Variants in MTR observed in about 807,000 individuals in gnomAD.
The protein encoded by MTR is 5-methyltetrahydrofolate-homocysteine methyltransferase, also known as methionine synthase.
MTR carries 84 observed loss-of-function variants against 154.8 expected under a neutral mutation model. The ratio of observed to expected loss-of-function variants is 0.54; its 90% CI spans 0.45 to 0.65. The LOEUF (loss-of-function observed/expected upper bound fraction) is 0.65. MTR is among the 30% of genes least tolerant of loss of function. The probability of loss-of-function intolerance (pLI) is 0.00; values close to 1 mark genes in which losing one functional copy is unlikely to be tolerated. For synonymous variants in MTR, 554 were observed against 553.9 expected (o/e 1.00, Z 0.00); for missense variants, 1,275 against 1,570.2 (o/e 0.81, Z 3.18).
intron 23 of MTR, 101 bp downstream of exon 23, chr1:236,873,941 G>T: frequency 8.9e-7 from 1 of 1,127,192 alleles, no homozygotes; most frequent in Non-Finnish European, 1.3e-6. Context: ...GCCCCATGAG[G>T]GTTCTGTGGG....
intron 9 of MTR, among the ~76,000 whole-genome samples, chr1:236,824,737 C>T (rs1250988553): frequency 6.6e-6 from 1 of 152,198 alleles, no homozygotes; most frequent in Non-Finnish European, 1.5e-5. Context: ...TGTATTTGAG[C>T]ACTGCTTAGC....
intron 29 of MTR, 67 bp from the exon 30 acceptor site, chr1:236,894,290 A>C: frequency 2.0e-6 from 3 of 1,482,918 alleles, no homozygotes; most frequent in South Asian, 2.3e-5. Context: ...ATTGCTCTTC[A>C]TGGTGTGCTG....
intron 1 of MTR, among the ~76,000 whole-genome samples, 188 bp downstream of exon 1, chr1:236,795,925 G>T (rs904413359): frequency 6.6e-6 from 1 of 152,208 alleles, no homozygotes; most frequent in Admixed American, 6.5e-5. Flanking sequence ...CTCTTTGTCC[G>T]ACCTTCACCT....
rs775984505 is a variant in MTR at position 236,859,871 on chromosome 1, T to A, written c.1992T>A (p.Asp664Glu). ...GAGGGAAGAAAGTCATTCAGACTGA[T>A]GAGTGGAGAAATGGCCCTGTCGAAG... ...GTGGKKVIQT[D>E]EWRNGPVEER... The change falls in exon 19 of 33, where the codon GAT becomes GAA. Residue 664 changes from aspartate to glutamate, a missense_variant. Asp to Glu is a conservative substitution (Grantham distance 45). Coordinates refer to ENST00000366577, the MANE Select transcript of MTR (RefSeq NM_000254.3). The A allele has an allele frequency of 7.4e-6, 12 of 1,613,902 alleles. No homozygotes were observed. In the East Asian group the frequency reaches 2.5e-4, roughly 33 times the overall value.
At chr1:236,871,858 A>G (rs1369309920) in intron 22 of MTR, among the ~76,000 whole-genome samples, 1 of 152,124 alleles carries the variant, frequency 6.6e-6, no homozygotes, top group Non-Finnish European at 1.5e-5. Context: ...TTTTTTTAAA[A>G]AAGTAATATG....
intron 8 of MTR, among the ~76,000 whole-genome samples, chr1:236,818,147 C>T (rs1291449627): frequency 6.6e-6 from 1 of 152,174 alleles, no homozygotes; most frequent in East Asian, 1.9e-4. Flanking sequence ...GTAAATGACA[C>T]TGTAATGGAT....
intron 10 of MTR, among the ~76,000 whole-genome samples, 166 bp from the exon 11 acceptor site, chr1:236,826,663 G>C (rs1178866290): frequency 6.6e-6 from 1 of 152,194 alleles, no homozygotes; most frequent in Non-Finnish European, 1.5e-5. Flanking sequence ...TTTATCCTAT[G>C]TCTAGGGCAT....
At chr1:236,843,247 A>T (rs1021742086) in intron 15 of MTR, among the ~76,000 whole-genome samples, 2 of 152,192 alleles carry the variant, frequency 1.3e-5, no homozygotes, top group African/African-American at 4.8e-5. Context: ...GTGACATTTT[A>T]GCAGAAGCCT....
In MTR at chr1:236,816,522, T is replaced by G; in HGVS notation, c.743T>G (p.Val248Gly). 6.2e-7 allele frequency: 1 copy of G among 1,614,132 alleles called. No individual in the cohort carries two copies. Among genetic ancestry groups the G allele is most frequent in the Non-Finnish European group, 8.5e-7 (1 of 1,179,950 alleles). Reference sequence around the variant, plus strand: ...ACAGGAGAGGGATTTGTCATCAGCGTGTCTCATGGAGAACCACTCTGGTGA... The same window carrying G: ...ACAGGAGAGGGATTTGTCATCAGCGGGTCTCATGGAGAACCACTCTGGTGA... ...GQTGEGFVIS[V>G]SHGEPLCIGL... is the part of the protein sequence containing the mutation. Residue 248 changes from valine (V) to glycine (G), a missense_variant, in exon 8 of 33, where the codon GTG becomes GGG. Val to Gly is a moderately radical substitution (Grantham distance 109, BLOSUM62 -3). Coordinates refer to ENST00000366577, the MANE Select transcript of MTR (RefSeq NM_000254.3).
At chr1:236,893,999 ATT>A (rs373628591) in intron 29 of MTR, among the ~76,000 whole-genome samples, 2 of 146,274 alleles carry the variant, frequency 1.4e-5, no homozygotes. Flanking sequence ...TTGGGGACAA[ATT>A]TTTTTTTTTT....
At chr1:236,886,398 G>A in intron 27 of MTR, 31 bp downstream of exon 27, 1 of 1,602,798 alleles carries the variant, frequency 6.2e-7, no homozygotes, top group Admixed American at 1.7e-5. Context: ...GAGAAAGACT[G>A]GGTGTGGTAA....
In MTR at chr1:236,797,990, A is replaced by G. The variant is rs555855216; in HGVS notation, c.34+2253A>G. Among the ~76,000 whole-genome samples the G allele has an allele frequency of 3.9e-5, 6 of 151,954 alleles. No individual in the cohort carries two copies. In the South Asian group the frequency reaches 1.2e-3, roughly 32 times the overall value. On this transcript the variant is annotated intron_variant, in intron 1 of 32. Transcript: ENST00000366577. ...AAACAAAACAAAACAAAACAAAACC[A>G]AAAAAACAAAGTGTAGCAAGTCTGT...
At chr1:236,847,272 C>T (rs919368279) in intron 15 of MTR, among the ~76,000 whole-genome samples, 17 of 152,152 alleles carry the variant, frequency 1.1e-4, no homozygotes, top group Non-Finnish European at 2.1e-4. Context: ...TACTTCAGTT[C>T]GATTTTAAAA....
chr1:236,860,009 A>T, intron 19 of MTR, 87 bp downstream of exon 19: 1 of 1,102,748 alleles, frequency 9.1e-7, no homozygotes, highest in Non-Finnish European at 1.3e-6. Context: ...TAGCTGGAGA[A>T]GGAGATGCCT....
At chr1:236,895,174 A>G in intron 30 of MTR, 184 bp from the exon 31 acceptor site, 1 of 708,946 alleles carries the variant, frequency 1.4e-6, no homozygotes, top group East Asian at 2.7e-5. Context: ...TGAGCTGCAG[A>G]GCAGCAGCTG....
intron 28 of MTR, 100 bp from the exon 29 acceptor site, chr1:236,891,033 G>A (rs1666286766): frequency 7.6e-7 from 1 of 1,320,170 alleles, no homozygotes; most frequent in Non-Finnish European, 1.1e-6. Context: ...AGCCTGAAGA[G>A]GGAAGGTGAC....
At chr1:236,812,486 T>A (rs1661362159) in intron 5 of MTR, among the ~76,000 whole-genome samples, 1 of 152,206 alleles carries the variant, frequency 6.6e-6, no homozygotes, top group Non-Finnish European at 1.5e-5. Context: ...GCCTTCCCTC[T>A]CACTCCTCAG....
At chr1:236,872,941 C>T (rs529217495) in intron 22 of MTR, among the ~76,000 whole-genome samples, 3 of 152,326 alleles carry the variant, frequency 2.0e-5, no homozygotes, top group East Asian at 1.9e-4. Context: ...GCCGTAATCA[C>T]GCCACTGCAC....
At chr1:236,816,757 A>G (rs1476506501) in intron 8 of MTR, among the ~76,000 whole-genome samples, 1 of 152,222 alleles carries the variant, frequency 6.6e-6, no homozygotes, top group Non-Finnish European at 1.5e-5. Flanking sequence ...GAGAGTTCTC[A>G]TACTTACAAA....
Sources: allele counts gnomAD v4.1 joint callset (sites outside exome capture counted in the v4.1 genomes callset), GRCh38; gene constraint gnomAD v4.1.1; transcripts MANE v1.5; gene names NCBI Gene and HGNC (gene_info 2026-07-23, HGNC 2026-07-21).